COL9A3: variants seen among roughly 807,000 people sequenced by gnomAD.
COL9A3 encodes collagen type IX alpha 3 chain, also known as collagen alpha-3(IX) chain.
A neutral mutation model predicts 110.2 loss-of-function variants in COL9A3; 82 were observed. The observed-to-expected ratio is 0.74, with a 90% CI of 0.62 to 0.89. The LOEUF is 0.89. COL9A3 is among the 40% of genes least tolerant of loss of function. The pLI is 0.00. For synonymous variants in COL9A3, 494 were observed against 403.8 expected, an observed-to-expected ratio of 1.22 and a Z score of -2.68; for missense variants, 1,066 against 981.3, an observed-to-expected ratio of 1.09 and a Z score of -1.15.
chr20:62,830,665 T>A, intron 24 of COL9A3, 77 bp downstream of exon 24: 1 of 204,150 alleles, frequency 4.9e-6, no homozygotes, highest in African/African-American at 1.6e-4. Flanking sequence ...CCCATGACAG[T>A]CCCCCAACCC....
At chr20:62,817,524 C>G (rs987259678) in intron 1 of COL9A3, 43 bp from the exon 2 acceptor site, 1 of 1,404,916 alleles carries the variant, frequency 7.1e-7, no homozygotes, top group African/African-American at 1.4e-5. Context: ...GGGTCAGGCC[C>G]ACGGGGGCAC....
upstream of COL9A3, among the ~76,000 whole-genome samples, chr20:62,816,631 G>A (rs995853502): frequency 6.6e-6 from 1 of 152,146 alleles, no homozygotes; most frequent in African/African-American, 2.4e-5. Flanking sequence ...GCCTTGGGTC[G>A]CCTGGGTCCG....
At chr20:62,826,512 C>T (rs985957974) in intron 14 of COL9A3, among the ~76,000 whole-genome samples, 2 of 152,144 alleles carry the variant, frequency 1.3e-5, no homozygotes, top group Non-Finnish European at 2.9e-5. Context: ...CGCGTGTGCC[C>T]GGGCGAGGGC....
intron 23 of COL9A3, 38 bp from the exon 24 acceptor site, chr20:62,830,477 CAG>C (rs753202899): frequency 1.6e-5 from 25 of 1,598,526 alleles, no homozygotes; most frequent in Non-Finnish European, 2.0e-5. Flanking sequence ...CCAGACCCGA[CAG>C]GGTATGGGCA....
chr20:62,819,781 A>T, intron 4 of COL9A3, 148 bp from the exon 5 acceptor site: 1 of 868,112 alleles, frequency 1.2e-6, no homozygotes, highest in Non-Finnish European at 1.9e-6. Flanking sequence ...CAGACAGTGG[A>T]CAGGGCCAAG....
intron 3 of COL9A3, among the ~76,000 whole-genome samples, 187 bp downstream of exon 3, chr20:62,818,740 C>T (rs1991019415): frequency 6.6e-6 from 1 of 152,230 alleles, no homozygotes; most frequent in South Asian, 2.1e-4. Flanking sequence ...GGCTCAGCCT[C>T]TGCATGTTCA....
chr20:62,830,998 T>A (rs1422897407), intron 24 of COL9A3: 1 of 153,992 alleles, frequency 6.5e-6, no homozygotes, highest in Non-Finnish European at 1.4e-5. Flanking sequence ...CCTCCTGCCC[T>A]GCGTAGACGC....
At position 62,829,475 on chromosome 20, in the gene COL9A3, G is replaced by A. The variant is rs748659736; in HGVS notation, c.1029G>A (p.Gly343=). The change falls in exon 20 of 32, where the codon GGG becomes GGA. Residue 343 remains glycine (G), a synonymous_variant. Transcript: ENST00000649368. ...NGLPGLPGRA[G]SKGEKGERGR... ...GGCAGGGCCTCCCTGGACGAGCGGG[G>A]TCCAAAGGCGAGAAGGGAGAACGGG... The A allele has an allele frequency of 8.7e-6, 14 of 1,612,734 alleles. No homozygotes were observed. The highest frequency in any genetic ancestry group is 1.1e-5 in the Non-Finnish European group (13 of 1,179,930).
rs746895107 is a variant in COL9A3 at position 62,840,764 on chromosome 20, GCC to G, written c.*34_*35del. The G allele has an allele frequency of 0.082, 127,693 of 1,550,498 alleles. 6,265 individuals are homozygous for G. Among genetic ancestry groups the G allele is most frequent in the African/African-American group, 0.2 (14,380 of 73,066 alleles). The stretch of plus-strand genomic sequence containing the variant: ...ACGTGAGGAAGCAAGTGACAAGGAC[GCC>G]CGAAGCACAGTGGACGGTCATGAAG... On this transcript the variant is annotated 3_prime_UTR_variant, in exon 32 of 32. Coordinates refer to ENST00000649368, the MANE Select transcript of COL9A3 (RefSeq NM_001853.4).
Position 62,828,801 on chromosome 20 carries a change from G to T in COL9A3, c.938G>T (p.Gly313Val). Residue 313 changes from glycine to valine, a missense_variant, in exon 18 of 32, where the codon GGA (glycine) becomes GTA (valine). Gly to Val is a moderately radical substitution (Grantham distance 109, BLOSUM62 -3). Transcript: ENST00000649368. ...AAGGACGGCCAGAATGGCGTGCCAG[G>T]ACTCGATGGCCAGAAGGTTGGCATG... ...PGKDGQNGVP[G>V]LDGQKGEAGR... 1 of 1,612,928 alleles carries T rather than the reference G, an allele frequency of 6.2e-7. No individual in the cohort carries two copies. The highest frequency in any genetic ancestry group is 8.5e-7 in the Non-Finnish European group (1 of 1,179,942).
At position 62,827,867 on chromosome 20, in the gene COL9A3, C is replaced by T. The variant is rs547916552; in HGVS notation, c.847-56C>T. 5.7e-6 allele frequency: 9 copies of T among 1,578,176 alleles called. No individual in the cohort carries two copies. The African/African-American group carries it at 6.7e-5, about 12-fold the overall frequency. Reference sequence around the variant, plus strand: ...TCCCCGAGCAGCTGGCCGGAGAATGCGTGAGGCCGTCTGGGAAGAGACTGC... The same window carrying T: ...TCCCCGAGCAGCTGGCCGGAGAATGTGTGAGGCCGTCTGGGAAGAGACTGC... On this transcript the variant is annotated intron_variant, in intron 16 of 31. Transcript: ENST00000649368.
Position 62,826,189 on chromosome 20 carries a change from G to T in COL9A3, c.685-15G>T, listed in dbSNP as rs1009319304. ...GTGCAGCCCCAGCCTCTGCATCTGT[G>T]CCTCTCTCTCGCAGGGCCCCCGGGG... On this transcript the variant is annotated splice_polypyrimidine_tract_variant and intron_variant, in intron 13 of 31. Transcript: ENST00000649368. 1 of 1,557,120 alleles carries T rather than the reference G, an allele frequency of 6.4e-7. No individual in the cohort carries two copies.
intron 3 of COL9A3, among the ~76,000 whole-genome samples, 198 bp from the exon 4 acceptor site, chr20:62,819,024 G>C (rs567314373): frequency 6.6e-6 from 1 of 152,328 alleles, no homozygotes; most frequent in South Asian, 2.1e-4. Flanking sequence ...AGCCTTCCTG[G>C]GCCAGCAAGG....
Position 62,836,301 on chromosome 20 carries a change from G to A in COL9A3, c.1516G>A (p.Val506Ile). 1 of 1,613,858 alleles carries A rather than the reference G, an allele frequency of 6.2e-7. No individual in the cohort carries two copies. Among genetic ancestry groups the A allele is most frequent in the Admixed American group, 1.7e-5 (1 of 60,032 alleles). Reference sequence around the variant, plus strand: ...TCTGGGCCTGCAGGGCGTCCCGGGTGTTCCTGGCATCACGGGGAAGCCGGG... The same window carrying A: ...TCTGGGCCTGCAGGGCGTCCCGGGTATTCCTGGCATCACGGGGAAGCCGGG... ...GPLGLQGVPG[V>I]PGITGKPGVP... Residue 506 changes from valine to isoleucine, a missense_variant, in exon 28 of 32, where the codon GTT (valine) becomes ATT (isoleucine). Physicochemically the swap from Val to Ile is conservative, Grantham distance 29. Transcript: ENST00000649368.
chr20:62,829,554 A>G (rs2063579414), intron 20 of COL9A3, 55 bp downstream of exon 20: 9 of 1,601,170 alleles, frequency 5.6e-6, no homozygotes, highest in African/African-American at 1.4e-5. Flanking sequence ...GCCGGGAGGC[A>G]AGGGGCTGGG....
chr20:62,821,349 G>A (rs974726799), intron 6 of COL9A3, 133 bp downstream of exon 6: 9 of 1,317,056 alleles, frequency 6.8e-6, no homozygotes, highest in African/African-American at 5.8e-5. Context: ...CCGGAGGCTG[G>A]TGCCTGGATG....
At chr20:62,824,405 G>A (rs771470291) in intron 10 of COL9A3, 40 bp from the exon 11 acceptor site, 2 of 1,573,660 alleles carry the variant, frequency 1.3e-6, no homozygotes, top group Non-Finnish European at 1.7e-6. Context: ...GTCCTGCTCT[G>A]TTTGGCTGGG....
chr20:62,826,121 G>A (rs1390019684), intron 13 of COL9A3, 83 bp from the exon 14 acceptor site: 1 of 1,436,962 alleles, frequency 7.0e-7, no homozygotes, highest in Non-Finnish European at 9.5e-7. Context: ...GGCTCCCAGG[G>A]GTACCCCGAG....
chr20:62,836,563 G>C (rs773958658), intron 29 of COL9A3, 31 bp downstream of exon 29: 6 of 1,429,992 alleles, frequency 4.2e-6, no homozygotes, highest in Non-Finnish European at 5.6e-6. Flanking sequence ...GGCTGCAGCG[G>C]GGCCCATCCC....
Sources: gnomAD v4.1 joint callset for allele counts (sites outside exome capture counted in the v4.1 genomes callset) on GRCh38, gnomAD v4.1.1 for gene constraint, MANE v1.5 for transcripts, NCBI Gene and HGNC (gene_info 2026-07-23, HGNC 2026-07-21) for gene names.